ARMCX4: variants seen among roughly 807,000 people sequenced by gnomAD.
ARMCX4 encodes armadillo repeat-containing X-linked protein 4.
ARMCX4 carries 3 observed loss-of-function variants against 34.7 expected under a neutral mutation model. The observed-to-expected ratio is 0.09, with a 90% CI of 0.04 to 0.22. The LOEUF is 0.22. Among genes scored for constraint, ARMCX4 ranks in the 10% least tolerant of loss-of-function variants. The probability of loss-of-function intolerance (pLI) is 1.00; values close to 1 mark genes in which losing one functional copy is unlikely to be tolerated. For synonymous variants in ARMCX4, 513 were observed against 632.8 expected (o/e 0.81, Z 2.84); for missense variants, 1,448 against 1,720.8 (o/e 0.84, Z 2.81).
At chrX:101,475,879 CATT>C (rs1333627396) in intron 4 of ARMCX4, among the ~76,000 whole-genome samples, 4 of 111,074 alleles carry the variant, frequency 3.6e-5, no homozygotes, top group African/African-American at 1.3e-4. Context: ...TATATGGAAA[CATT>C]GTTACATCTA....
At chrX:101,497,508 G>A (rs1934206166), downstream of ARMCX4, among the ~76,000 whole-genome samples, 3 of 111,487 alleles carry the variant, frequency 2.7e-5, no homozygotes, top group South Asian at 1.1e-3. Flanking sequence ...CAAAGTGCTG[G>A]GATTACAGGC....
At chrX:101,432,777 TATATGTATATACACATATAC>T (rs1930175386) in intron 2 of ARMCX4, among the ~76,000 whole-genome samples, 1 of 64,155 alleles carries the variant, frequency 1.6e-5, no homozygotes, top group East Asian at 4.2e-4. Flanking sequence ...TATGTATACA[TATATGTATATACACATATAC>T]ACATGTATGT....
At chrX:101,533,257 G>C (rs1261254901) in exon 13 of ARMCX4, 3 of 110,422 alleles carry the variant, frequency 2.7e-5, no homozygotes, top group Admixed American at 9.8e-5. Flanking sequence ...CAAGATTTTA[G>C]CTTCTTCCAG....
chrX:101,433,928 T>C (rs1214033717), intron 2 of ARMCX4, among the ~76,000 whole-genome samples: 2 of 110,639 alleles, frequency 1.8e-5, no homozygotes, highest in Admixed American at 2.0e-4. Flanking sequence ...AAAAAGAAGA[T>C]ATCTTGGGTG....
At chrX:101,469,225 G>T (rs1932848727) in intron 4 of ARMCX4, among the ~76,000 whole-genome samples, 1 of 112,183 alleles carries the variant, frequency 8.9e-6, no homozygotes, top group Non-Finnish European at 1.9e-5. Context: ...TTATCCAATT[G>T]TCAAAATTTG....
At chrX:101,418,579 A>G (rs1387481179) in intron 1 of ARMCX4, among the ~76,000 whole-genome samples, 1 of 110,821 alleles carries the variant, frequency 9.0e-6, no homozygotes, top group Non-Finnish European at 1.9e-5. Flanking sequence ...AGGAGAAGGG[A>G]AGGAAGGGCC....
intron 3 of ARMCX4, 136 bp from the exon 4 acceptor site, chrX:101,487,472 G>A: frequency 4.2e-6 from 1 of 237,035 alleles, no homozygotes; most frequent in Non-Finnish European, 8.0e-6. Context: ...TTGATGGGGG[G>A]ACCATGAGAT....
At chrX:101,449,214 C>T (rs1431720829), downstream of ARMCX4, among the ~76,000 whole-genome samples, 9 of 112,186 alleles carry the variant, frequency 8.0e-5, no homozygotes, top group Non-Finnish European at 1.7e-4. Flanking sequence ...GTCAAATCAC[C>T]ATTATAACTT....
At chrX:101,439,746 C>T (rs1184523589) in intron 2 of ARMCX4, among the ~76,000 whole-genome samples, 1 of 111,964 alleles carries the variant, frequency 8.9e-6, no homozygotes. Flanking sequence ...ATCACTGATA[C>T]CCTTTCTTCC....
downstream of ARMCX4, among the ~76,000 whole-genome samples, chrX:101,452,228 T>C (rs544714648): frequency 9.8e-5 from 11 of 112,053 alleles, no homozygotes; most frequent in South Asian, 4.1e-3. Flanking sequence ...TAGTCTCTGA[T>C]CTTTCCTAGT....
chrX:101,445,451 C>T (rs1931568532), intron 3 of ARMCX4, among the ~76,000 whole-genome samples: 1 of 111,836 alleles, frequency 8.9e-6, no homozygotes, highest in Non-Finnish European at 1.9e-5. Context: ...TTGGCACACA[C>T]ATGATGTCAC....
intron 11 of ARMCX4, among the ~76,000 whole-genome samples, chrX:101,515,323 CCTTT>C (rs1387133532): frequency 1.5e-5 from 1 of 64,897 alleles, no homozygotes; most frequent in Non-Finnish European, 3.1e-5. Context: ...TTCCTTCCTC[CCTTT>C]CTTTCTTTCC....
chrX:101,468,051 T>C (rs1556002310), intron 4 of ARMCX4, among the ~76,000 whole-genome samples: 1 of 111,588 alleles, frequency 9.0e-6, no homozygotes, highest in Non-Finnish European at 1.9e-5. Context: ...ACCTATATAT[T>C]CTCATATAGA....
downstream of ARMCX4, among the ~76,000 whole-genome samples, chrX:101,450,487 G>A (rs1165618731): frequency 9.0e-6 from 1 of 111,690 alleles, no homozygotes; most frequent in Non-Finnish European, 1.9e-5. Context: ...TCTGGCCCAG[G>A]GCAGGTCTAG....
In ARMCX4 at chrX:101,491,972, C is replaced by T. The variant is rs1556009450; in HGVS notation, c.3383C>T (p.Ser1128Phe). The change falls in exon 6 of 6, where the codon TCC (serine) becomes TTC (phenylalanine). Residue 1128 changes from serine (S) to phenylalanine (F), a missense_variant. Ser to Phe is a radical substitution (Grantham distance 155). Coordinates refer to ENST00000423738, the MANE Select transcript of ARMCX4 (RefSeq NM_001256155.3). The part of the protein sequence containing the change: ...TMDGDWENSV[S>F]WADDENEASI... Reference sequence around the variant, plus strand: ...GATGGAGACTGGGAAAATAGCGTGTCCTGGGCTGATGATGAGAATGAAGCC... The same window carrying T: ...GATGGAGACTGGGAAAATAGCGTGTTCTGGGCTGATGATGAGAATGAAGCC... 8.7e-7 allele frequency: 1 copy of T among 1,155,375 alleles called. No homozygotes were observed. Among genetic ancestry groups the T allele is most frequent in the South Asian group, 1.9e-5 (1 of 52,731 alleles).
At chrX:101,496,862 T>A (rs1470294024), downstream of ARMCX4, among the ~76,000 whole-genome samples, 5 of 111,881 alleles carry the variant, frequency 4.5e-5, no homozygotes, top group Non-Finnish European at 5.6e-5. Flanking sequence ...TAATTCCACT[T>A]GTAGAAATGT....
chrX:101,470,070 C>G (rs896985246), intron 4 of ARMCX4, among the ~76,000 whole-genome samples: 1 of 111,980 alleles, frequency 8.9e-6, no homozygotes, highest in Non-Finnish European at 1.9e-5. Context: ...ATAAAAGTTG[C>G]TGTCTAATGT....
At chrX:101,443,306 C>T (rs1245828675) in intron 2 of ARMCX4, among the ~76,000 whole-genome samples, 1 of 110,635 alleles carries the variant, frequency 9.0e-6, no homozygotes, top group Non-Finnish European at 1.9e-5. Context: ...CTGTCCCTTC[C>T]ATCATGTGAA....
intron 2 of ARMCX4, chrX:101,443,851 A>G (rs1931464872): frequency 2.8e-6 from 1 of 363,273 alleles, no homozygotes; most frequent in Non-Finnish European, 5.3e-6. Context: ...ACTAGGAACC[A>G]TTTGCGTTGG....
Sources: gnomAD v4.1 joint callset for allele counts (sites outside exome capture counted in the v4.1 genomes callset) on GRCh38, gnomAD v4.1.1 for gene constraint, MANE v1.5 for transcripts, NCBI Gene and HGNC (gene_info 2026-07-23, HGNC 2026-07-21) for gene names.